PARD3: variants seen among roughly 807,000 people sequenced by gnomAD.
The protein encoded by PARD3 is partitioning defective 3 homolog.
A neutral mutation model predicts 155.4 loss-of-function variants in PARD3; 75 were observed. The observed-to-expected ratio is 0.48, with a 90% confidence interval of 0.40 to 0.58. PARD3 has a LOEUF of 0.58. Among genes scored for constraint, PARD3 ranks in the 20% least tolerant of loss-of-function variants. The probability of loss-of-function intolerance (pLI) is 0.00; values close to 1 mark genes in which losing one functional copy is unlikely to be tolerated. For synonymous variants in PARD3, 576 were observed against 610.5 expected (o/e 0.94, Z 0.83); for missense variants, 1,642 against 1,721.7 (o/e 0.95, Z 0.82).
intron 22 of PARD3, among the ~76,000 whole-genome samples, chr10:34,267,432 T>TG (rs1424060033): frequency 6.6e-6 from 1 of 152,198 alleles, no homozygotes; most frequent in Non-Finnish European, 1.5e-5. Context: ...TAATTTACAT[T>TG]ATTCAGTCAT....
At chr10:34,348,152 G>C in intron 14 of PARD3, 37 bp from the exon 15 acceptor site, 1 of 1,553,982 alleles carries the variant, frequency 6.4e-7, no homozygotes, top group East Asian at 2.3e-5. Flanking sequence ...AGAAAAATCA[G>C]TACCTGGAGG....
At chr10:34,184,717 C>G (rs1332214154) in intron 22 of PARD3, among the ~76,000 whole-genome samples, 1 of 119,146 alleles carries the variant, frequency 8.4e-6, no homozygotes, top group African/African-American at 2.8e-5. Flanking sequence ...TTTTTTTTTC[C>G]CTCAAGGAGC....
At position 34,283,404 on chromosome 10, in the gene PARD3, C is replaced by G. The variant is rs575646386; in HGVS notation, c.3176+731G>C. On this transcript the variant is annotated intron_variant, in intron 21 of 24. Coordinates refer to ENST00000374788, the MANE Select transcript of PARD3 (RefSeq NM_001184785.2). ...GAAGCTCACTGTGAACCTGTAAACTCTAATAACAAAAGTGTGAGATGGCTT... is the reference window on the plus strand; with the variant it reads ...GAAGCTCACTGTGAACCTGTAAACTGTAATAACAAAAGTGTGAGATGGCTT... Among the ~76,000 whole-genome samples, 17 of 152,212 alleles carry G rather than the reference C, an allele frequency of 1.1e-4. No homozygotes were observed. In the South Asian group the frequency reaches 3.5e-3, roughly 32 times the overall value.
At chr10:34,477,900 T>C (rs2133162056) in intron 3 of PARD3, among the ~76,000 whole-genome samples, 1 of 152,328 alleles carries the variant, frequency 6.6e-6, no homozygotes, top group East Asian at 1.9e-4. Flanking sequence ...AATCATACAT[T>C]TCCTAAAGAG....
intron 5 of PARD3, among the ~76,000 whole-genome samples, chr10:34,423,393 G>A (rs868356282): frequency 2.2e-4 from 33 of 152,182 alleles, no homozygotes; most frequent in Admixed American, 6.6e-4. Context: ...GAGATCTACT[G>A]TACAACATAG....
At chr10:34,115,060 C>T (rs144959110) in intron 24 of PARD3, among the ~76,000 whole-genome samples, 2 of 152,232 alleles carry the variant, frequency 1.3e-5, no homozygotes, top group Non-Finnish European at 2.9e-5. Flanking sequence ...AGGACTCAAA[C>T]CAAAGATCTG....
intron 3 of PARD3, among the ~76,000 whole-genome samples, chr10:34,481,461 T>C (rs989820353): frequency 2.0e-5 from 3 of 152,152 alleles, no homozygotes; most frequent in Admixed American, 6.5e-5. Context: ...AAAACAGGCA[T>C]TGGCTACTGA....
At chr10:34,242,384 T>C (rs893238433) in intron 22 of PARD3, among the ~76,000 whole-genome samples, 2 of 152,014 alleles carry the variant, frequency 1.3e-5, no homozygotes, top group African/African-American at 4.8e-5. Flanking sequence ...CAAATCCATA[T>C]CACATGTGAG....
At chr10:34,448,719 C>T (rs1260902515) in intron 5 of PARD3, among the ~76,000 whole-genome samples, 4 of 152,010 alleles carry the variant, frequency 2.6e-5, no homozygotes, top group Admixed American at 2.6e-4. Flanking sequence ...GGTAAGAGAA[C>T]ACTTGAGCCT....
chr10:34,237,336 T>C (rs929619732), intron 22 of PARD3, among the ~76,000 whole-genome samples: 3 of 152,188 alleles, frequency 2.0e-5, no homozygotes, highest in African/African-American at 7.2e-5. Context: ...GGAGACAAAG[T>C]GTTTGATAAT....
intron 23 of PARD3, among the ~76,000 whole-genome samples, chr10:34,125,513 A>G (rs1016166687): frequency 5.9e-5 from 9 of 152,260 alleles, no homozygotes; most frequent in African/African-American, 2.2e-4. Flanking sequence ...TTAAGTCTTA[A>G]AAAAGATGGA....
chr10:34,642,438 C>A (rs547866154), intron 2 of PARD3, among the ~76,000 whole-genome samples: 2 of 152,284 alleles, frequency 1.3e-5, no homozygotes, highest in South Asian at 4.1e-4. Context: ...CTCTGCCCCA[C>A]ACCCTGGCTC....
At chr10:34,263,524 T>C (rs1955134982) in intron 22 of PARD3, among the ~76,000 whole-genome samples, 1 of 152,152 alleles carries the variant, frequency 6.6e-6, no homozygotes, top group African/African-American at 2.4e-5. Context: ...TTGGGCATCA[T>C]GTCATATGCC....
At chr10:34,346,557 AT>A (rs1465999282) in intron 15 of PARD3, 4 of 1,220,434 alleles carry the variant, frequency 3.3e-6, no homozygotes, top group Admixed American at 5.7e-5. Context: ...CAACAAAAAA[AT>A]AATTTAACAA....
At chr10:34,690,091 A>G (rs1340646852) in intron 2 of PARD3, among the ~76,000 whole-genome samples, 3 of 152,034 alleles carry the variant, frequency 2.0e-5, no homozygotes, top group Admixed American at 6.5e-5. Flanking sequence ...TTACAGGCAC[A>G]TGCCACCACA....
intron 3 of PARD3, among the ~76,000 whole-genome samples, chr10:34,490,016 A>G (rs1211883157): frequency 1.3e-5 from 2 of 152,200 alleles, no homozygotes; most frequent in African/African-American, 4.8e-5. Context: ...GCTCCTATCC[A>G]GTATGCATGA....
At position 34,325,449 on chromosome 10, in the gene PARD3, C is replaced by T. The variant is rs529587626; in HGVS notation, c.2833+5668G>A. Among the ~76,000 whole-genome samples, 3 of 152,192 alleles carry T rather than the reference C, an allele frequency of 2.0e-5. No individual in the cohort carries two copies. The South Asian group carries it at 6.2e-4, about 32-fold the overall frequency. ...TCTCAAGCAGTAACACTCAACTCGGCCAATACCTCTCTTCTGGAAATCTCC... is the reference window on the plus strand; with the variant it reads ...TCTCAAGCAGTAACACTCAACTCGGTCAATACCTCTCTTCTGGAAATCTCC... On this transcript the variant is annotated intron_variant, in intron 19 of 24. Coordinates refer to ENST00000374788, the MANE Select transcript of PARD3 (RefSeq NM_001184785.2).
At chr10:34,556,476 A>C (rs1240557413) in intron 2 of PARD3, among the ~76,000 whole-genome samples, 1 of 149,676 alleles carries the variant, frequency 6.7e-6, no homozygotes, top group African/African-American at 2.5e-5. Context: ...TCCGCCTCCC[A>C]GGTTCACGCC....
chr10:34,213,430 T>C (rs75208963), intron 22 of PARD3, among the ~76,000 whole-genome samples: 2,905 of 152,030 alleles, frequency 0.019, 82 homozygotes, highest in East Asian at 0.13. Context: ...CACCACCACA[T>C]TGGGGGTCAA....
Sources: gnomAD v4.1 joint callset for allele counts (sites outside exome capture counted in the v4.1 genomes callset) on GRCh38, gnomAD v4.1.1 for gene constraint, MANE v1.5 for transcripts, NCBI Gene and HGNC (gene_info 2026-07-23, HGNC 2026-07-21) for gene names.